BMPR1B: variants seen among roughly 807,000 people sequenced by gnomAD.
The protein encoded by BMPR1B is bone morphogenetic protein receptor type-1B.
BMPR1B carries 12 observed loss-of-function variants against 59.1 expected under a neutral mutation model. The ratio of observed to expected loss-of-function variants is 0.20; its 90% CI spans 0.13 to 0.33. The LOEUF is 0.33. Among genes scored for constraint, BMPR1B ranks in the 10% least tolerant of loss-of-function variants. BMPR1B has a pLI of 1.00. For missense variants in BMPR1B, 550 were observed against 610.9 expected (o/e 0.90, Z 1.05); for synonymous variants, 237 against 207.3 (o/e 1.14, Z -1.23).
intron 1 of BMPR1B, among the ~76,000 whole-genome samples, chr4:94,854,066 T>G (rs1454632846): frequency 6.6e-6 from 1 of 152,106 alleles, no homozygotes; most frequent in Non-Finnish European, 1.5e-5. Flanking sequence ...AGTAACTGTT[T>G]GAATTATTTG....
chr4:95,005,532 A>T (rs1722761076), intron 3 of BMPR1B, among the ~76,000 whole-genome samples: 1 of 152,056 alleles, frequency 6.6e-6, no homozygotes, highest in African/African-American at 2.4e-5. Context: ...CATACATGTT[A>T]TCACTCCCCT....
chr4:94,989,922 A>G (rs529894734), intron 2 of BMPR1B, among the ~76,000 whole-genome samples: 34 of 152,366 alleles, frequency 2.2e-4, no homozygotes, highest in African/African-American at 7.9e-4. Flanking sequence ...GATGCTCAAC[A>G]TTATTTATCA....
At chr4:94,952,101 A>G (rs1488051377) in intron 2 of BMPR1B, among the ~76,000 whole-genome samples, 1 of 151,890 alleles carries the variant, frequency 6.6e-6, no homozygotes, top group Non-Finnish European at 1.5e-5. Context: ...ATCAGAGATG[A>G]TCTCCCCTTT....
At chr4:94,846,793 CA>C (rs1453001273) in intron 1 of BMPR1B, among the ~76,000 whole-genome samples, 1 of 151,180 alleles carries the variant, frequency 6.6e-6, no homozygotes, top group Non-Finnish European at 1.5e-5. Flanking sequence ...ATACGAACAT[CA>C]AATCAAAATA....
chr4:94,920,023 A>G (rs1728630863), intron 2 of BMPR1B, among the ~76,000 whole-genome samples: 1 of 152,098 alleles, frequency 6.6e-6, no homozygotes, highest in African/African-American at 2.4e-5. Context: ...TCTAGTGTTA[A>G]AAGTATTTTC....
intron 2 of BMPR1B, among the ~76,000 whole-genome samples, chr4:94,914,229 C>T (rs1237224194): frequency 6.6e-6 from 1 of 152,052 alleles, no homozygotes; most frequent in African/African-American, 2.4e-5. Context: ...CTCGAAGATG[C>T]CTTCTAGATT....
At chr4:94,997,519 C>G (rs549528642) in intron 3 of BMPR1B, among the ~76,000 whole-genome samples, 6 of 152,242 alleles carry the variant, frequency 3.9e-5, no homozygotes, top group Middle Eastern at 6.8e-3. Flanking sequence ...CAAAATGTTT[C>G]AAAATTAATT....
intron 7 of BMPR1B, 48 bp from the exon 8 acceptor site, chr4:95,124,935 A>G (rs755543879): frequency 1.3e-6 from 2 of 1,562,426 alleles, no homozygotes; most frequent in South Asian, 1.1e-5. Context: ...ATTTTACTCC[A>G]TCATTGCATT....
At chr4:95,076,840 TAC>T (rs1329233557) in intron 3 of BMPR1B, among the ~76,000 whole-genome samples, 6 of 152,168 alleles carry the variant, frequency 3.9e-5, no homozygotes, top group Non-Finnish European at 7.4e-5. Flanking sequence ...AAAAACATGG[TAC>T]ATCTAATTAG....
intron 3 of BMPR1B, among the ~76,000 whole-genome samples, chr4:95,036,270 T>C (rs1183869880): frequency 1.3e-5 from 2 of 152,186 alleles, no homozygotes; most frequent in Admixed American, 6.5e-5. Context: ...TAAATTATTA[T>C]TGACTGTAGT....
At chr4:94,972,479 A>G (rs933705664) in intron 2 of BMPR1B, among the ~76,000 whole-genome samples, 2 of 152,248 alleles carry the variant, frequency 1.3e-5, no homozygotes, top group South Asian at 4.1e-4. Context: ...GTACATACCC[A>G]TACATGTTCA....
At chr4:94,867,096 G>T (rs1396376800) in intron 1 of BMPR1B, among the ~76,000 whole-genome samples, 1 of 151,904 alleles carries the variant, frequency 6.6e-6, no homozygotes, top group Non-Finnish European at 1.5e-5. Context: ...CCCTTCTCTG[G>T]GGTCTTTTAC....
At chr4:95,127,548 A>C (rs915876757) in intron 8 of BMPR1B, among the ~76,000 whole-genome samples, 4 of 152,154 alleles carry the variant, frequency 2.6e-5, no homozygotes, top group Non-Finnish European at 5.9e-5. Context: ...TAAGATCTGT[A>C]AATTAAATAT....
At chr4:94,798,538 T>C (rs1245615900) in intron 1 of BMPR1B, among the ~76,000 whole-genome samples, 2 of 152,200 alleles carry the variant, frequency 1.3e-5, no homozygotes, top group Non-Finnish European at 2.9e-5. Flanking sequence ...TCCAGCCTCT[T>C]AACAACCATT....
intron 3 of BMPR1B, among the ~76,000 whole-genome samples, chr4:95,031,253 C>A (rs895755851): frequency 2.0e-5 from 3 of 152,022 alleles, no homozygotes; most frequent in Admixed American, 6.6e-5. Flanking sequence ...ATGCAGAGAG[C>A]ATATTTGATG....
intron 3 of BMPR1B, among the ~76,000 whole-genome samples, chr4:95,074,269 A>G (rs73838017): frequency 0.06 from 9,103 of 152,128 alleles, 914 homozygotes; most frequent in African/African-American, 0.21. Context: ...TTGCAATATG[A>G]AAAATACAAT....
At chr4:95,143,962 A>G (rs1347293139) in intron 10 of BMPR1B, among the ~76,000 whole-genome samples, 2 of 151,772 alleles carry the variant, frequency 1.3e-5, no homozygotes, top group Non-Finnish European at 2.9e-5. Flanking sequence ...GTGATGGAAG[A>G]TAGTACATAA....
intron 2 of BMPR1B, among the ~76,000 whole-genome samples, chr4:94,962,077 TTCC>T (rs1244075159): frequency 3.0e-5 from 1 of 32,800 alleles, no homozygotes; most frequent in African/African-American, 1.2e-4. Flanking sequence ...TTTTCTTTCC[TTCC>T]TTCCTTCCTT....
intron 2 of BMPR1B, among the ~76,000 whole-genome samples, chr4:94,954,469 C>T (rs1306638717): frequency 2.0e-5 from 3 of 152,136 alleles, no homozygotes; most frequent in Non-Finnish European, 2.9e-5. Context: ...TCAGATTGTG[C>T]AATGCACATG....
Sources: allele counts gnomAD v4.1 joint callset (sites outside exome capture counted in the v4.1 genomes callset), GRCh38; gene constraint gnomAD v4.1.1; transcripts MANE v1.5; gene names NCBI Gene and HGNC (gene_info 2026-07-23, HGNC 2026-07-21).